Variants in CTSZ observed in about 807,000 individuals in gnomAD.
CTSZ encodes carboxypeptidase LB.
Under a neutral mutation model 32.4 loss-of-function variants are expected in CTSZ, and 39 were observed. The observed-to-expected ratio is 1.20, with a 90% CI of 0.93 to 1.57. CTSZ has a LOEUF of 1.57. CTSZ is among the 40% of genes most tolerant of loss of function. The pLI, the probability that CTSZ is intolerant of heterozygous loss-of-function variation, is 0.00. For synonymous variants in CTSZ, 168 were observed against 170.1 expected (o/e 0.99, Z 0.10); for missense variants, 397 against 419.6 (o/e 0.95, Z 0.47).
rs2091900802 is a variant in CTSZ, at chr20:59,004,304, T to C, written c.307+2018A>G. Among the ~76,000 whole-genome samples the C allele has an allele frequency of 6.6e-6, 1 of 151,866 alleles. No individual in the cohort carries two copies. The highest frequency in any genetic ancestry group is 6.6e-5 in the Admixed American group (1 of 15,264). ...GGGTTGGTCCTGGGGAAGCTGACAC[T>C]CAGAACTCTGAGGAGCAGACAGCTG... is the stretch of plus-strand genomic sequence containing the variant. On this transcript the variant is annotated intron_variant, in intron 2 of 5. Coordinates refer to ENST00000217131, the MANE Select transcript of CTSZ (RefSeq NM_001336.4). This position sits in a 1 kb window ranked among gnomAD's most constrained non-coding sequence, Gnocchi z 5.6.
chr20:59,000,021 A>C (rs530280495), intron 3 of CTSZ, among the ~76,000 whole-genome samples: 7 of 148,830 alleles, frequency 4.7e-5, no homozygotes, highest in African/African-American at 1.7e-4. Flanking sequence ...GTGAGCCGAG[A>C]TCGCGCCACT....
Position 59,006,424 on chromosome 20 carries a change from GCCAGTC to G in CTSZ, c.199_204del (p.Asp67_Trp68del). 1 of 1,614,006 alleles carries G rather than the reference GCCAGTC, an allele frequency of 6.2e-7. No individual in the cohort carries two copies. Among genetic ancestry groups the G allele is most frequent in the Non-Finnish European group, 8.5e-7 (1 of 1,180,026 alleles). On this transcript the variant is annotated inframe_deletion, in exon 2 of 6. Transcript: ENST00000217131. Reference sequence around the variant, plus strand: ...GCATAGTTGACACCATCCACATTGCGCCAGTCCCAGCTCTTGGGCAGATCCGCTGGG... The same window carrying G: ...GCATAGTTGACACCATCCACATTGCGCCAGCTCTTGGGCAGATCCGCTGGG...
At position 59,001,579 on chromosome 20, in the gene CTSZ, C is replaced by T. The variant is rs747930687; in HGVS notation, c.373G>A (p.Asp125Asn). Residue 125 changes from aspartate (D) to asparagine (N), a missense_variant, in exon 3 of 6, where the codon GAC becomes AAC. By Grantham distance (23) the Asp-to-Asn change is conservative (BLOSUM62 1). Coordinates refer to ENST00000217131, the MANE Select transcript of CTSZ (RefSeq NM_001336.4). The part of the protein sequence containing the change: ...STLLSVQNVI[D>N]CGNAGSCEGG... ...TCACAGGAGCCAGCGTTACCGCAGT[C>T]GATGACGTTCTGCACGGACAGGAGG... The T allele has an allele frequency of 1.6e-5, 26 of 1,614,058 alleles. No individual in the cohort carries two copies. Among genetic ancestry groups the T allele is most frequent in the African/African-American group, 4.0e-5 (3 of 74,924 alleles).
intron 2 of CTSZ, among the ~76,000 whole-genome samples, chr20:59,003,486 C>T (rs1226215155): frequency 1.3e-5 from 2 of 152,212 alleles, no homozygotes; most frequent in East Asian, 3.8e-4. Context: ...GTGCAGGAGG[C>T]TGGGTGTGTC....
rs1317366834 is a variant in CTSZ at position 59,007,027 on chromosome 20, G to A, written c.102C>T (p.Tyr34=). Residue 34 remains tyrosine (Y), a synonymous_variant, in exon 1 of 6, where the codon TAC becomes TAT. Transcript: ENST00000217131. Reference sequence around the variant, plus strand: ...CCAGCCCGTCCCCCCGCAGAGGCCGGTAGCAGGTCTGTCCCCGGCGGAAGT... The same window carrying A: ...CCAGCCCGTCCCCCCGCAGAGGCCGATAGCAGGTCTGTCCCCGGCGGAAGT... ...GLYFRRGQTC[Y]RPLRGDGLAP... is the part of the protein sequence containing the mutation. 4.7e-6 allele frequency: 7 copies of A among 1,474,676 alleles called. No homozygotes were observed. In the African/African-American group the frequency reaches 1.0e-4, roughly 22 times the overall value. 91.3% of individuals were successfully genotyped at this position (1,474,676 alleles called of 1,614,324 possible).
At chr20:58,998,729 G>T (rs1220569722) in intron 3 of CTSZ, among the ~76,000 whole-genome samples, 1 of 152,080 alleles carries the variant, frequency 6.6e-6, no homozygotes, top group African/African-American at 2.4e-5. Context: ...TTAAAAAAAA[G>T]AAAAAGTACA....
rs76687632 is a variant in CTSZ at position 59,002,905 on chromosome 20, A to G, written c.308-1261T>C. On this transcript the variant is annotated intron_variant, in intron 2 of 5. Transcript: ENST00000217131. The surrounding 1 kb of genome is among the most constrained non-coding windows in gnomAD (Gnocchi z 4.1). The stretch of plus-strand genomic sequence containing the variant: ...ATGCCCCCTCTAAGCAGATCTGCAC[A>G]CCCCAAACTTGCCTTTCTCACAACA... 0.02 allele frequency among the ~76,000 whole-genome samples: 3,029 copies of G among 151,626 alleles called. 89 individuals carry two copies. Among genetic ancestry groups the G allele is most frequent in the African/African-American group, 0.068 (2,811 of 41,284 alleles).
In CTSZ at chr20:59,007,157, C is replaced by G. The variant is rs983388255; in HGVS notation, c.-29G>C. On this transcript the variant is annotated 5_prime_UTR_variant, in exon 1 of 6. Coordinates refer to ENST00000217131, the MANE Select transcript of CTSZ (RefSeq NM_001336.4). ...CCCGCGCCGGCTCCTGGGTCCCGCT[C>G]CGGATCCCGCTCCGAGTCCCAGATC... The G allele has an allele frequency of 1.1e-5, 15 of 1,320,762 alleles. No homozygotes were observed. In the African/African-American group the frequency reaches 2.2e-4, roughly 19 times the overall value. The allele number at this position is 1,320,762 out of a possible 1,614,324, so 81.8% of individuals were successfully genotyped here.
intron 2 of CTSZ, among the ~76,000 whole-genome samples, chr20:59,003,193 G>A (rs564327392): frequency 2.7e-4 from 41 of 152,290 alleles, no homozygotes; most frequent in African/African-American, 9.6e-4. Flanking sequence ...GCCTGCCCCC[G>A]AGCCCTATCC....
At chr20:58,997,091 G>C (rs146697212) in intron 4 of CTSZ, among the ~76,000 whole-genome samples, 1 of 151,032 alleles carries the variant, frequency 6.6e-6, no homozygotes, top group Non-Finnish European at 1.5e-5. Flanking sequence ...GAGCCCGGGC[G>C]GTCAAGGCTG....
chr20:59,002,626 C>T lies in CTSZ; in HGVS notation c.308-982G>A, dbSNP rs905184059. 1.1e-4 allele frequency among the ~76,000 whole-genome samples: 16 copies of T among 152,136 alleles called. No homozygotes were observed. The highest frequency in any genetic ancestry group is 2.4e-4 in the Non-Finnish European group (16 of 68,026). On this transcript the variant is annotated intron_variant, in intron 2 of 5. Transcript: ENST00000217131. This position sits in a 1 kb window ranked among gnomAD's most constrained non-coding sequence, Gnocchi z 4.1. ...TCCGCTCCTCCACCTGGCCTCCTCC[C>T]GGTCGCCCAGCCAGGGGCCTTCTGG...
rs757505383 is a variant in CTSZ at position 59,007,014 on chromosome 20, C to A, written c.115G>T (p.Gly39Trp). The change falls in exon 1 of 6, where the codon GGG becomes TGG. Residue 39 changes from glycine to tryptophan, a missense_variant. Physicochemically the swap from Gly to Trp is radical, Grantham distance 184 (BLOSUM62 -2). Transcript: ENST00000217131. ...CGCCCCAGCGGAGCCAGCCCGTCCC[C>A]CCGCAGAGGCCGGTAGCAGGTCTGT... is the stretch of plus-strand genomic sequence containing the variant. ...RGQTCYRPLR[G>W]DGLAPLGRST... 7.5e-6 allele frequency: 11 copies of A among 1,472,488 alleles called. No individual in the cohort carries two copies. In the South Asian group the frequency reaches 1.3e-4, roughly 17 times the overall value. The allele number at this position is 1,472,488 out of a possible 1,614,324, so 91.2% of individuals were successfully genotyped here.
chr20:58,998,582 G>T (rs2091873033), intron 3 of CTSZ, among the ~76,000 whole-genome samples: 1 of 149,830 alleles, frequency 6.7e-6, no homozygotes, highest in South Asian at 2.1e-4. Flanking sequence ...GAAAGGACAG[G>T]CGTGGTGGCT....
chr20:58,995,926 G>A (rs999315852), intron 5 of CTSZ, among the ~76,000 whole-genome samples, 167 bp from the exon 6 acceptor site: 4 of 152,126 alleles, frequency 2.6e-5, no homozygotes, highest in Non-Finnish European at 5.9e-5. Flanking sequence ...CCCCTGTTCT[G>A]AAATACCTTT....
At chr20:58,997,425 A>C (rs1320495433) in intron 4 of CTSZ, 178 bp downstream of exon 4, 1 of 502,676 alleles carries the variant, frequency 2.0e-6, no homozygotes, top group Non-Finnish European at 3.3e-6. Context: ...TCTCGAGCCT[A>C]CTGAGTACAA....
chr20:59,006,972 C>A lies in CTSZ; in HGVS notation c.143+14G>T. On this transcript the variant is annotated intron_variant, in intron 1 of 5. Transcript: ENST00000217131. The stretch of plus-strand genomic sequence containing the variant: ...CTCCCGTCCCCCCAGGGCTGCCTCC[C>A]CGCCGGTGCCCACCTGCGCCCCAGC... The A allele has an allele frequency of 7.0e-7, 1 of 1,425,762 alleles. No homozygotes were observed. The highest frequency in any genetic ancestry group is 9.1e-7 in the Non-Finnish European group (1 of 1,097,944). 88.3% of individuals were successfully genotyped at this position (1,425,762 alleles called of 1,614,324 possible).
Position 59,007,231 on chromosome 20 carries a change from A to G in CTSZ, c.-103T>C. 1 of 246,586 alleles carries G rather than the reference A, an allele frequency of 4.1e-6. No homozygotes were observed. 15.3% of individuals were successfully genotyped at this position (246,586 alleles called of 1,614,324 possible). A position where few individuals can be genotyped will look rare whatever the true frequency, so the allele number is the denominator to read the frequency against. ...CCCGCCCCGGCCTCGGCCTCGGCCC[A>G]GCACCCGGCCGACCCCGCACTTTGG... On this transcript the variant is annotated 5_prime_UTR_variant, in exon 1 of 6. Coordinates refer to ENST00000217131, the MANE Select transcript of CTSZ (RefSeq NM_001336.4).
rs769554603 is a variant in CTSZ at position 58,996,545 on chromosome 20, G to GT, written c.801+93dup. The GT allele has an allele frequency of 9.3e-6, 13 of 1,402,448 alleles. No homozygotes were observed. In the African/African-American group the frequency reaches 1.4e-4, roughly 15 times the overall value. The allele number at this position is 1,402,448 out of a possible 1,614,324, so 86.9% of individuals were successfully genotyped here. A position where few individuals can be genotyped will look rare whatever the true frequency, so the allele number is the denominator to read the frequency against. ...CAAGGAACCCTCTGTCAAGGCCCCA[G>GT]TTTTTAGCTAAACGTAAACAGAACC... On this transcript the variant is annotated intron_variant, in intron 5 of 5. Coordinates refer to ENST00000217131, the MANE Select transcript of CTSZ (RefSeq NM_001336.4).
intron 4 of CTSZ, 71 bp downstream of exon 4, chr20:58,997,532 G>C (rs140207930): frequency 5.6e-6 from 8 of 1,419,244 alleles, no homozygotes; most frequent in Middle Eastern, 2.7e-4. Flanking sequence ...CCTCACCCGC[G>C]GGACCTTTCC....
Sources: allele counts gnomAD v4.1 joint callset (sites outside exome capture counted in the v4.1 genomes callset), GRCh38; gene constraint gnomAD v4.1.1; non-coding constraint Gnocchi (gnomAD v3.1); transcripts MANE v1.5; gene names NCBI Gene and HGNC (gene_info 2026-07-23, HGNC 2026-07-21).